The following SLC26A5 variants were observed in gnomAD, a reference collection of about 807,000 sequenced individuals.
SLC26A5 encodes the protein solute carrier family 26 member 5.
In SLC26A5, 51 loss-of-function variants were observed where a neutral mutation model predicts 81.0. The ratio of observed to expected loss-of-function variants is 0.63; its 90% CI spans 0.50 to 0.80. The LOEUF is 0.80. Ranked by LOEUF, SLC26A5 falls within the 30% of genes least tolerant of loss-of-function variation. The probability of loss-of-function intolerance (pLI) is 0.00; values close to 1 mark genes in which losing one functional copy is unlikely to be tolerated. For synonymous variants in SLC26A5, 325 were observed against 332.8 expected (o/e 0.98, Z 0.25); for missense variants, 771 against 905.8 (o/e 0.85, Z 1.91).
chr7:103,375,702 G>A (rs1236188465), intron 19 of SLC26A5, among the ~76,000 whole-genome samples: 2 of 151,936 alleles, frequency 1.3e-5, no homozygotes, highest in East Asian at 3.9e-4. Context: ...CCAAAGTGTT[G>A]GGATTATAGG....
intron 19 of SLC26A5, among the ~76,000 whole-genome samples, chr7:103,375,448 G>T (rs968068396): frequency 6.6e-6 from 1 of 152,058 alleles, no homozygotes; most frequent in Non-Finnish European, 1.5e-5. Flanking sequence ...GTTGCATTTT[G>T]TGCTCCCGTC....
intron 2 of SLC26A5, among the ~76,000 whole-genome samples, chr7:103,426,838 T>C (rs764929143): frequency 5.3e-5 from 8 of 152,204 alleles, no homozygotes; most frequent in Non-Finnish European, 1.0e-4. Context: ...ATATGACAGA[T>C]AATGAGCTTC....
chr7:103,379,611 T>C (rs1358597923), intron 15 of SLC26A5, among the ~76,000 whole-genome samples: 1 of 152,172 alleles, frequency 6.6e-6, no homozygotes, highest in African/African-American at 2.4e-5. Context: ...AAGTCAGTCT[T>C]CGTTTTATTT....
chr7:103,372,694 G>A (rs1403655747), downstream of SLC26A5, among the ~76,000 whole-genome samples: 1 of 152,040 alleles, frequency 6.6e-6, no homozygotes. Context: ...TTATATGTGG[G>A]GGTTAGTTTT....
chr7:103,440,028 T>A (rs1826762056), intron 2 of SLC26A5, among the ~76,000 whole-genome samples: 1 of 152,208 alleles, frequency 6.6e-6, no homozygotes. Flanking sequence ...ACCTCTACCA[T>A]CTTCTTTCTA....
chr7:103,405,573 G>A (rs1435573923), intron 8 of SLC26A5, among the ~76,000 whole-genome samples: 1 of 152,126 alleles, frequency 6.6e-6, no homozygotes, highest in Non-Finnish European at 1.5e-5. Context: ...TCCCAGAGGG[G>A]CACCCGCCAT....
chr7:103,420,609 C>A, intron 4 of SLC26A5, 129 bp downstream of exon 4: 2 of 1,281,768 alleles, frequency 1.6e-6, no homozygotes, highest in South Asian at 1.3e-5. Context: ...TGAAGAATAC[C>A]TTTAGATAGG....
intron 4 of SLC26A5, among the ~76,000 whole-genome samples, chr7:103,413,888 T>C (rs1486889773): frequency 1.3e-5 from 2 of 152,136 alleles, no homozygotes; most frequent in African/African-American, 4.8e-5. Context: ...CCCTTATGTA[T>C]GCACAGCCTC....
intron 19 of SLC26A5, chr7:103,362,583 C>T (rs998922521): frequency 1.4e-6 from 2 of 1,440,598 alleles, no homozygotes; most frequent in Non-Finnish European, 1.9e-6. Context: ...CTCTGTCTCT[C>T]TCTTGTTTTC....
In SLC26A5 at chr7:103,398,600, G is replaced by A. The variant is rs377532847; in HGVS notation, c.889-586C>T. ...ACTTTACATACGCCCATCCTGGATT[G>A]GCAGGGCATAGATTTACTTGGGGTG... On this transcript the variant is annotated intron_variant, in intron 8 of 19. Coordinates refer to ENST00000306312, the MANE Select transcript of SLC26A5 (RefSeq NM_198999.3). Among the ~76,000 whole-genome samples the A allele has an allele frequency of 4.8e-4, 73 of 152,278 alleles. 1 individual carries two copies. The South Asian group carries it at 0.012, about 25-fold the overall frequency.
chr7:103,403,449 T>C (rs1823767524), intron 8 of SLC26A5, among the ~76,000 whole-genome samples: 1 of 152,202 alleles, frequency 6.6e-6, no homozygotes, highest in Non-Finnish European at 1.5e-5. Flanking sequence ...GTCATTGACC[T>C]GTCTCATATT....
rs1024840861 is a variant in SLC26A5 at position 103,354,386 on chromosome 7, G to A, written c.2042-1460C>T. Among the ~76,000 whole-genome samples, 10 of 57,160 alleles carry A rather than the reference G, an allele frequency of 1.7e-4. No individual in the cohort carries two copies. The East Asian group carries it at 4.9e-3, about 28-fold the overall frequency. 37.5% of individuals were successfully genotyped at this position (57,160 alleles called of 152,430 possible). On this transcript the variant is annotated intron_variant, in intron 19 of 19. Transcript: ENST00000339444. The stretch of plus-strand genomic sequence containing the variant: ...CACGATTTTTTTTTTTTTTTTTTTT[G>A]AAACGGAGTGTTGCTCTTGTCACCC...
intron 2 of SLC26A5, among the ~76,000 whole-genome samples, chr7:103,432,787 G>A (rs1478907771): frequency 1.3e-5 from 2 of 152,028 alleles, no homozygotes; most frequent in African/African-American, 2.4e-5. Flanking sequence ...GAGTGGTTCT[G>A]TGGATGTTCC....
At chr7:103,404,273 A>G (rs1823848475) in intron 8 of SLC26A5, among the ~76,000 whole-genome samples, 1 of 152,048 alleles carries the variant, frequency 6.6e-6, no homozygotes, top group Non-Finnish European at 1.5e-5. Flanking sequence ...CAGTTTCTTC[A>G]CAGTATCGAT....
intron 14 of SLC26A5, among the ~76,000 whole-genome samples, chr7:103,384,883 A>G (rs1464828395): frequency 6.6e-6 from 1 of 152,118 alleles, no homozygotes; most frequent in Non-Finnish European, 1.5e-5. Context: ...TAACATCATC[A>G]TCATGATTAC....
rs1427114724 is a variant in SLC26A5 at position 103,391,737 on chromosome 7, T to C, written c.1120-2A>G. 1.2e-6 allele frequency: 2 copies of C among 1,612,586 alleles called. No homozygotes were observed. The highest frequency in any genetic ancestry group is 1.7e-6 in the Non-Finnish European group (2 of 1,178,970). ...GCACAGTCCCAGGGCAATGAGCTCC[T>C]TTCCCATGTAGAAACAAAACACAAA... On this transcript the variant is annotated splice_acceptor_variant, in intron 10 of 19. Coordinates refer to ENST00000306312, the MANE Select transcript of SLC26A5 (RefSeq NM_198999.3). LOFTEE classifies it high-confidence loss of function.
At chr7:103,398,897 T>A (rs1823362407) in intron 8 of SLC26A5, among the ~76,000 whole-genome samples, 1 of 152,134 alleles carries the variant, frequency 6.6e-6, no homozygotes, top group Non-Finnish European at 1.5e-5. Context: ...TTTCTGTTGA[T>A]GACAATTATT....
rs1199113876 is a variant in SLC26A5 at position 103,389,433 on chromosome 7, G to A, written c.1312-9C>T. The A allele has an allele frequency of 6.2e-7, 1 of 1,603,278 alleles. No homozygotes were observed. Among genetic ancestry groups the A allele is most frequent in the Admixed American group, 1.7e-5 (1 of 59,984 alleles). On this transcript the variant is annotated splice_polypyrimidine_tract_variant and intron_variant, in intron 12 of 19. Coordinates refer to ENST00000306312, the MANE Select transcript of SLC26A5 (RefSeq NM_198999.3). ...ATGGCCGACAGCACAGCCTGAAACA[G>A]AGCACATCCCCCATGCCTCTCCTCT... is the stretch of plus-strand genomic sequence containing the variant.
At chr7:103,392,306 T>C (rs1822726338) in intron 10 of SLC26A5, among the ~76,000 whole-genome samples, 1 of 152,230 alleles carries the variant, frequency 6.6e-6, no homozygotes, top group African/African-American at 2.4e-5. Flanking sequence ...TTAAATACCT[T>C]ATCTGTGGCT....
Sources: gnomAD v4.1 joint callset for allele counts (sites outside exome capture counted in the v4.1 genomes callset) on GRCh38, gnomAD v4.1.1 for gene constraint, MANE v1.5 for transcripts, NCBI Gene and HGNC (gene_info 2026-07-23, HGNC 2026-07-21) for gene names.